The following COG5 variants were observed in gnomAD, a reference collection of about 807,000 sequenced individuals.
COG5 encodes component of oligomeric golgi complex 5.
COG5 carries 86 observed loss-of-function variants against 110.4 expected under a neutral mutation model. The ratio of observed to expected loss-of-function variants is 0.78; its 90% CI spans 0.65 to 0.93. The LOEUF (loss-of-function observed/expected upper bound fraction) is 0.93. Ranked by LOEUF, COG5 falls within the 40% of genes least tolerant of loss-of-function variation. COG5 has a pLI of 0.00. For missense variants in COG5, 1,077 were observed against 987.0 expected (o/e 1.09, Z -1.22); for synonymous variants, 360 against 334.6 (o/e 1.08, Z -0.83).
intron 11 of COG5, among the ~76,000 whole-genome samples, chr7:107,300,463 A>G (rs931778998): frequency 1.3e-5 from 2 of 152,224 alleles, no homozygotes; most frequent in East Asian, 3.8e-4. Context: ...AGTTAACATA[A>G]TAACTGAATT....
chr7:107,225,407 A>T (rs946507969), intron 19 of COG5, among the ~76,000 whole-genome samples: 20 of 152,058 alleles, frequency 1.3e-4, no homozygotes, highest in African/African-American at 2.9e-4. Context: ...CAGAAAATTT[A>T]AAAAAAATAA....
chr7:107,319,783 A>C (rs753587330), intron 11 of COG5, among the ~76,000 whole-genome samples: 5 of 152,248 alleles, frequency 3.3e-5, no homozygotes, highest in Non-Finnish European at 5.9e-5. Flanking sequence ...AGTGATAAGA[A>C]ACTGGTTTTC....
At chr7:107,437,758 C>A (rs768093606) in intron 6 of COG5, among the ~76,000 whole-genome samples, 8 of 152,100 alleles carry the variant, frequency 5.3e-5, no homozygotes, top group Non-Finnish European at 8.8e-5. Context: ...GAAATTCTTG[C>A]TTTCCTACAA....
intron 6 of COG5, among the ~76,000 whole-genome samples, chr7:107,510,625 CA>C (rs1563074723): frequency 6.6e-6 from 1 of 152,130 alleles, no homozygotes; most frequent in African/African-American, 2.4e-5. Context: ...ACACCTATTC[CA>C]AAATTGACCA....
rs1428047623 is a variant in COG5 at position 107,474,345 on chromosome 7, T to C, written c.538+52892A>G. The stretch of plus-strand genomic sequence containing the variant: ...TTGATGTAATAATTTGTGTGGGATG[T>C]ATTCCTCTAACTATAGTTATCCTTC... On this transcript the variant is annotated intron_variant, in intron 6 of 21. Coordinates refer to ENST00000297135, the MANE Select transcript of COG5 (RefSeq NM_006348.5). The surrounding 1 kb of genome is among the most constrained non-coding windows in gnomAD (Gnocchi z 5.7). The C allele has an allele frequency of 9.9e-6, 16 of 1,612,464 alleles. No individual in the cohort carries two copies. The South Asian group carries it at 1.6e-4, about 17-fold the overall frequency.
intron 7 of COG5, among the ~76,000 whole-genome samples, chr7:107,391,097 G>T (rs1223884253): frequency 6.6e-6 from 1 of 151,928 alleles, no homozygotes; most frequent in African/African-American, 2.4e-5. Flanking sequence ...CTACTTGGTG[G>T]GAGGAGGGGG....
At chr7:107,245,628 A>G (rs1325670132) in intron 17 of COG5, among the ~76,000 whole-genome samples, 1 of 152,246 alleles carries the variant, frequency 6.6e-6, no homozygotes, top group African/African-American at 2.4e-5. Flanking sequence ...TCAAAAAAGA[A>G]TAAAACATCT....
intron 17 of COG5, among the ~76,000 whole-genome samples, chr7:107,242,369 C>G (rs1377130828): frequency 6.6e-6 from 1 of 152,198 alleles, no homozygotes; most frequent in East Asian, 1.9e-4. Context: ...TCCGAGTCTA[C>G]TAGGGACTGG....
intron 19 of COG5, among the ~76,000 whole-genome samples, chr7:107,223,352 G>A (rs1045792588): frequency 6.6e-6 from 1 of 152,190 alleles, no homozygotes; most frequent in East Asian, 1.9e-4. Context: ...TTTGTGGCAC[G>A]AGGGGCCATG....
chr7:107,265,523 T>G (rs1803729092), intron 14 of COG5, among the ~76,000 whole-genome samples: 1 of 152,122 alleles, frequency 6.6e-6, no homozygotes, highest in East Asian at 1.9e-4. Context: ...AAGTCACCTT[T>G]GGGATCTTCC....
intron 17 of COG5, among the ~76,000 whole-genome samples, chr7:107,246,507 C>G (rs983255762): frequency 6.6e-6 from 1 of 150,530 alleles, no homozygotes; most frequent in Non-Finnish European, 1.5e-5. Context: ...GGAACTTAAA[C>G]AAATTCACAA....
At chr7:107,292,702 G>C (rs1038931845) in intron 12 of COG5, among the ~76,000 whole-genome samples, 4 of 152,102 alleles carry the variant, frequency 2.6e-5, no homozygotes, top group African/African-American at 9.7e-5. Flanking sequence ...TTTATAGGTA[G>C]TCTAAAGAAC....
At chr7:107,294,713 CTTTT>C (rs796291188) in intron 12 of COG5, among the ~76,000 whole-genome samples, 2 of 110,048 alleles carry the variant, frequency 1.8e-5, no homozygotes, top group Admixed American at 9.6e-5. Flanking sequence ...AATTTTCTTT[CTTTT>C]TTTTTTTTTT....
At chr7:107,205,516 G>A (rs1047395018) in intron 21 of COG5, among the ~76,000 whole-genome samples, 2 of 152,178 alleles carry the variant, frequency 1.3e-5, no homozygotes, top group Non-Finnish European at 2.9e-5. Context: ...AAGGGTGTTT[G>A]TTCATACATT....
chr7:107,432,499 G>T (rs571271200), intron 6 of COG5, among the ~76,000 whole-genome samples: 1 of 152,112 alleles, frequency 6.6e-6, no homozygotes, highest in South Asian at 2.1e-4. Flanking sequence ...ATAAGAACAT[G>T]ACATAAGTAC....
intron 11 of COG5, among the ~76,000 whole-genome samples, chr7:107,309,010 T>C (rs971550019): frequency 6.6e-6 from 1 of 152,064 alleles, no homozygotes; most frequent in African/African-American, 2.4e-5. Flanking sequence ...TATGGTTTTT[T>C]AAAATGGGAA....
intron 6 of COG5, among the ~76,000 whole-genome samples, chr7:107,414,607 C>T (rs1792562314): frequency 6.6e-6 from 1 of 150,860 alleles, no homozygotes; most frequent in Admixed American, 6.6e-5. Flanking sequence ...ATTATAGTTG[C>T]CCTTCCATTC....
intron 11 of COG5, among the ~76,000 whole-genome samples, chr7:107,317,810 C>T (rs1474581657): frequency 6.6e-6 from 1 of 152,034 alleles, no homozygotes; most frequent in Admixed American, 6.6e-5. Flanking sequence ...AACAAAAACC[C>T]GGAATTAACA....
chr7:107,501,329 T>C (rs140186994), intron 6 of COG5, among the ~76,000 whole-genome samples: 4 of 152,064 alleles, frequency 2.6e-5, no homozygotes, highest in Non-Finnish European at 4.4e-5. Flanking sequence ...ATAAAAAACT[T>C]TGATACATTA....
Sources: allele counts gnomAD v4.1 joint callset (sites outside exome capture counted in the v4.1 genomes callset), GRCh38; gene constraint gnomAD v4.1.1; non-coding constraint Gnocchi (gnomAD v3.1); transcripts MANE v1.5; gene names NCBI Gene and HGNC (gene_info 2026-07-23, HGNC 2026-07-21).